The following CHST11 variants were observed in gnomAD, a reference collection of about 807,000 sequenced individuals.
The protein encoded by CHST11 is carbohydrate sulfotransferase 11.
Under a neutral mutation model 30.4 loss-of-function variants are expected in CHST11, and 9 were observed. The observed-to-expected ratio is 0.30, with a 90% confidence interval of 0.18 to 0.52. CHST11 has a LOEUF of 0.52. CHST11 is among the 20% of genes least tolerant of loss of function. CHST11 has a pLI of 0.97. For missense variants in CHST11, 348 were observed against 460.6 expected (o/e 0.76, Z 2.24); for synonymous variants, 152 against 187.8 (o/e 0.81, Z 1.56).
intron 1 of CHST11, among the ~76,000 whole-genome samples, chr12:104,550,112 G>A (rs545373236): frequency 6.6e-6 from 1 of 152,146 alleles, no homozygotes; most frequent in South Asian, 2.1e-4. Flanking sequence ...CCTTGTGGCT[G>A]TGCCGAGTTG....
chr12:104,666,677 G>A (rs1011231861), intron 2 of CHST11, among the ~76,000 whole-genome samples: 2 of 152,230 alleles, frequency 1.3e-5, no homozygotes, highest in African/African-American at 2.4e-5. Context: ...AAATACAGTG[G>A]ATGGCCAACA....
intron 1 of CHST11, among the ~76,000 whole-genome samples, chr12:104,497,196 G>A (rs974582942): frequency 1.3e-5 from 2 of 152,170 alleles, no homozygotes; most frequent in Non-Finnish European, 2.9e-5. Flanking sequence ...ACCTCAAAAT[G>A]TCACTACATG....
chr12:104,510,113 A>G (rs915396872), intron 1 of CHST11, among the ~76,000 whole-genome samples: 8 of 152,204 alleles, frequency 5.3e-5, no homozygotes, highest in Non-Finnish European at 8.8e-5. Context: ...CTCCCATTCC[A>G]CTGGCCAGAA....
intron 1 of CHST11, among the ~76,000 whole-genome samples, chr12:104,529,296 T>C (rs1487545535): frequency 6.6e-6 from 1 of 152,216 alleles, no homozygotes; most frequent in Non-Finnish European, 1.5e-5. Flanking sequence ...AGGGAGACAT[T>C]GTATTCTAAT....
chr12:104,716,301 A>C (rs1397281687), intron 2 of CHST11, among the ~76,000 whole-genome samples: 1 of 152,190 alleles, frequency 6.6e-6, no homozygotes, highest in Non-Finnish European at 1.5e-5. Context: ...AGCATAGTAT[A>C]GTGATGGAAG....
At chr12:104,711,385 G>A (rs752248916) in intron 2 of CHST11, among the ~76,000 whole-genome samples, 7 of 152,174 alleles carry the variant, frequency 4.6e-5, no homozygotes, top group Non-Finnish European at 8.8e-5. Context: ...GAAAGCTGAC[G>A]TTTCAGCGTC....
intron 1 of CHST11, among the ~76,000 whole-genome samples, chr12:104,473,823 C>T (rs548645536): frequency 3.3e-5 from 5 of 152,106 alleles, no homozygotes; most frequent in African/African-American, 9.6e-5. Flanking sequence ...TAGCACTTGA[C>T]GCCTGTCGAT....
At chr12:104,694,472 T>C (rs141711679) in intron 2 of CHST11, among the ~76,000 whole-genome samples, 52 of 152,306 alleles carry the variant, frequency 3.4e-4, no homozygotes, top group African/African-American at 1.2e-3. Flanking sequence ...AAAAATGTTT[T>C]TTGAATGTGT....
At chr12:104,739,791 C>G (rs1390507150) in intron 2 of CHST11, among the ~76,000 whole-genome samples, 1 of 152,198 alleles carries the variant, frequency 6.6e-6, no homozygotes, top group Non-Finnish European at 1.5e-5. Flanking sequence ...TCCCACTTTA[C>G]TGATGAGGAG....
chr12:104,527,744 G>A (rs1440994130), intron 1 of CHST11, among the ~76,000 whole-genome samples: 1 of 152,196 alleles, frequency 6.6e-6, no homozygotes, highest in Admixed American at 6.5e-5. Context: ...CCACACTGCT[G>A]TAAAGAACTA....
chr12:104,572,084 A>G (rs2038632326), intron 1 of CHST11, among the ~76,000 whole-genome samples: 1 of 151,402 alleles, frequency 6.6e-6, no homozygotes, highest in African/African-American at 2.4e-5. Context: ...ATGGTGGATA[A>G]GCTTTTTGAT....
chr12:104,570,265 G>A (rs1451639501), intron 1 of CHST11, among the ~76,000 whole-genome samples: 4 of 152,010 alleles, frequency 2.6e-5, no homozygotes, highest in Non-Finnish European at 2.9e-5. Context: ...CACTGTCTTC[G>A]TTGTTGTTCT....
chr12:104,605,984 T>C (rs550909132), intron 2 of CHST11, among the ~76,000 whole-genome samples: 2 of 152,278 alleles, frequency 1.3e-5, no homozygotes, highest in South Asian at 4.1e-4. Context: ...CTTTAGCATT[T>C]ACACTTGCTC....
chr12:104,749,776 CCAGGCTGTCAT>C (rs1288928062), intron 2 of CHST11, among the ~76,000 whole-genome samples: 2 of 152,270 alleles, frequency 1.3e-5, no homozygotes, highest in East Asian at 3.9e-4. Flanking sequence ...CCTGGTGGAG[CCAGGCTGTCAT>C]CAGAAATCTC....
At chr12:104,684,297 TGGATGGA>T (rs2039825582) in intron 2 of CHST11, among the ~76,000 whole-genome samples, 1 of 151,744 alleles carries the variant, frequency 6.6e-6, no homozygotes, top group Admixed American at 6.6e-5. Flanking sequence ...GATGGATGGA[TGGATGGA>T]TAGATGGGTG....
At chr12:104,707,448 G>C (rs879712539) in intron 2 of CHST11, among the ~76,000 whole-genome samples, 2 of 152,196 alleles carry the variant, frequency 1.3e-5, no homozygotes, top group Non-Finnish European at 2.9e-5. Context: ...GATAACTGTT[G>C]TTTTAAGAAA....
At chr12:104,623,690 G>A (rs556336427) in intron 2 of CHST11, among the ~76,000 whole-genome samples, 3 of 151,998 alleles carry the variant, frequency 2.0e-5, no homozygotes, top group South Asian at 2.1e-4. Context: ...AGCCGAGATC[G>A]CCTGGGTGAC....
chr12:104,584,570 A>G (rs1018376897), intron 1 of CHST11, among the ~76,000 whole-genome samples: 2 of 152,098 alleles, frequency 1.3e-5, no homozygotes, highest in African/African-American at 4.8e-5. Flanking sequence ...TTTCACTTTC[A>G]TATGCTGTCT....
chr12:104,710,228 A>C (rs892874053), intron 2 of CHST11, among the ~76,000 whole-genome samples: 2 of 152,188 alleles, frequency 1.3e-5, no homozygotes, highest in Non-Finnish European at 2.9e-5. Flanking sequence ...TTTCATGTGA[A>C]GCCAAGCCCT....
Sources: gnomAD v4.1 joint callset for allele counts (sites outside exome capture counted in the v4.1 genomes callset) on GRCh38, gnomAD v4.1.1 for gene constraint, MANE v1.5 for transcripts, NCBI Gene and HGNC (gene_info 2026-07-23, HGNC 2026-07-21) for gene names.